Variants in LRMDA observed in about 807,000 individuals in gnomAD.
LRMDA encodes leucine rich melanocyte differentiation associated.
LRMDA carries 18 observed loss-of-function variants against 29.8 expected under a neutral mutation model. That is an observed-to-expected ratio of 0.60 (90% CI 0.42 to 0.90). LRMDA has a LOEUF of 0.90. Ranked by LOEUF, LRMDA falls within the 40% of genes least tolerant of loss-of-function variation. The pLI, the probability that LRMDA is intolerant of heterozygous loss-of-function variation, is 0.00. For synonymous variants in LRMDA, 125 were observed against 109.4 expected (o/e 1.14, Z -0.89); for missense variants, 273 against 273.9 (o/e 1.00, Z 0.02).
chr10:76,267,704 A>G (rs1840023316), intron 5 of LRMDA, among the ~76,000 whole-genome samples: 1 of 152,196 alleles, frequency 6.6e-6, no homozygotes, highest in South Asian at 2.1e-4. Context: ...TTCTGGAATG[A>G]AGATGTGGAT....
chr10:75,706,958 C>T (rs1178172254), intron 2 of LRMDA, among the ~76,000 whole-genome samples: 1 of 152,208 alleles, frequency 6.6e-6, no homozygotes, highest in African/African-American at 2.4e-5. Context: ...AACTCTTATT[C>T]TGACCACTGG....
chr10:75,652,987 C>G (rs1841618999), intron 2 of LRMDA, among the ~76,000 whole-genome samples: 2 of 152,200 alleles, frequency 1.3e-5, no homozygotes, highest in Non-Finnish European at 2.9e-5. Flanking sequence ...AACACTCTCT[C>G]TGCTTGGGCA....
At chr10:76,197,521 G>A (rs368083992) in intron 5 of LRMDA, among the ~76,000 whole-genome samples, 4 of 152,124 alleles carry the variant, frequency 2.6e-5, no homozygotes, top group Admixed American at 1.3e-4. Flanking sequence ...CAGTACTGGC[G>A]GTTGGTTGTG....
chr10:75,827,629 T>G (rs1242799582), intron 2 of LRMDA, among the ~76,000 whole-genome samples: 2 of 152,198 alleles, frequency 1.3e-5, no homozygotes, highest in African/African-American at 4.8e-5. Context: ...GGCACTGCTG[T>G]AAAGCAAAGT....
chr10:75,528,266 C>T (rs1484957112), intron 2 of LRMDA, among the ~76,000 whole-genome samples: 9 of 152,220 alleles, frequency 5.9e-5, no homozygotes, highest in Admixed American at 5.9e-4. Flanking sequence ...GATGCTATCT[C>T]TCATTCGACA....
intron 5 of LRMDA, among the ~76,000 whole-genome samples, chr10:76,072,096 TAATA>T (rs1483015912): frequency 1.3e-5 from 2 of 152,230 alleles, no homozygotes; most frequent in African/African-American, 4.8e-5. Context: ...GGTTGCAATG[TAATA>T]AATACTTACA....
rs372176034 is a variant in LRMDA at position 75,465,712 on chromosome 10, C to T, written c.131+27218C>T. 3.9e-5 allele frequency among the ~76,000 whole-genome samples: 6 copies of T among 152,116 alleles called. No individual in the cohort carries two copies. The East Asian group carries it at 5.8e-4, about 15-fold the overall frequency. On this transcript the variant is annotated intron_variant, in intron 2 of 6. Coordinates refer to ENST00000611255, the MANE Select transcript of LRMDA (RefSeq NM_001305581.2). ...GGTTTAAAAAACATTTCATGCTGAC[C>T]ACTGCTTTCATCCTTCCCCCCTTCC...
intron 6 of LRMDA, among the ~76,000 whole-genome samples, chr10:76,423,515 C>A (rs995024501): frequency 2.0e-5 from 3 of 152,146 alleles, no homozygotes; most frequent in African/African-American, 7.2e-5. Context: ...AGCAATCATA[C>A]CCTTTCATAA....
intron 2 of LRMDA, among the ~76,000 whole-genome samples, chr10:75,971,717 G>T (rs1393925167): frequency 6.6e-6 from 1 of 152,050 alleles, no homozygotes. Context: ...AGAATTATTG[G>T]GTATTTCAAG....
intron 5 of LRMDA, among the ~76,000 whole-genome samples, chr10:76,203,888 G>T (rs537682359): frequency 2.1e-5 from 3 of 141,026 alleles, no homozygotes; most frequent in Non-Finnish European, 4.5e-5. Context: ...TCTATCTCAT[G>T]TGGCCATCTA....
intron 2 of LRMDA, among the ~76,000 whole-genome samples, chr10:75,559,560 G>T (rs986799329): frequency 4.7e-5 from 7 of 148,638 alleles, no homozygotes; most frequent in African/African-American, 1.7e-4. Flanking sequence ...GTCAATTTTG[G>T]CTTTTGTTGC....
intron 2 of LRMDA, among the ~76,000 whole-genome samples, chr10:75,889,608 A>G (rs1471953788): frequency 2.0e-5 from 3 of 152,250 alleles, no homozygotes; most frequent in Admixed American, 6.5e-5. Flanking sequence ...TGATTGTGCA[A>G]TTGTGCCAGC....
intron 5 of LRMDA, among the ~76,000 whole-genome samples, chr10:76,185,393 A>G (rs1156923937): frequency 6.6e-6 from 1 of 152,208 alleles, no homozygotes; most frequent in Non-Finnish European, 1.5e-5. Context: ...GGCCACTGAA[A>G]TTTGTCTCTA....
intron 2 of LRMDA, among the ~76,000 whole-genome samples, chr10:75,974,749 C>G (rs1041581105): frequency 6.6e-6 from 1 of 152,144 alleles, no homozygotes; most frequent in Non-Finnish European, 1.5e-5. Context: ...TTCTATGCTC[C>G]TAACTGCCAT....
At chr10:76,140,033 T>G (rs1375574153) in intron 5 of LRMDA, among the ~76,000 whole-genome samples, 2 of 152,114 alleles carry the variant, frequency 1.3e-5, no homozygotes. Context: ...CACAAAGGAC[T>G]CTTTTCATAG....
At chr10:75,967,339 C>T (rs561469573) in intron 2 of LRMDA, among the ~76,000 whole-genome samples, 16 of 152,146 alleles carry the variant, frequency 1.1e-4, no homozygotes, top group African/African-American at 3.9e-4. Context: ...CCTAGCCAAA[C>T]AATTTGTACA....
intron 2 of LRMDA, among the ~76,000 whole-genome samples, chr10:75,772,990 C>G (rs75108498): frequency 0.013 from 2,012 of 152,006 alleles, 52 homozygotes; most frequent in African/African-American, 0.046. Flanking sequence ...AAGAAAAATA[C>G]AAAAGAAAAA....
intron 5 of LRMDA, among the ~76,000 whole-genome samples, chr10:76,201,099 TTATTTATTTATA>T (rs139372390): frequency 0.25 from 35,304 of 141,220 alleles, 4,860 homozygotes; most frequent in East Asian, 0.54. Flanking sequence ...ATTTATTTAT[TTATTTATTTATA>T]TTTAGACGGA....
chr10:75,566,554 G>A (rs1203320817), intron 2 of LRMDA, among the ~76,000 whole-genome samples: 1 of 151,994 alleles, frequency 6.6e-6, no homozygotes, highest in East Asian at 1.9e-4. Context: ...AACTCCAATG[G>A]CAATTTCTCT....
Sources: gnomAD v4.1 joint callset for allele counts (sites outside exome capture counted in the v4.1 genomes callset) on GRCh38, gnomAD v4.1.1 for gene constraint, MANE v1.5 for transcripts, NCBI Gene and HGNC (gene_info 2026-07-23, HGNC 2026-07-21) for gene names.